The following WDR3 variants were observed in gnomAD, a reference collection of about 807,000 sequenced individuals.
WDR3 encodes WD repeat domain 3.
A neutral mutation model predicts 123.7 loss-of-function variants in WDR3; 81 were observed. The ratio of observed to expected loss-of-function variants is 0.65; its 90% confidence interval spans 0.55 to 0.79. WDR3 has a LOEUF of 0.79. WDR3 is among the 30% of genes least tolerant of loss of function. WDR3 has a pLI of 0.00. For synonymous variants in WDR3, 390 were observed against 388.8 expected, an observed-to-expected ratio of 1.00 and a Z score of -0.04; for missense variants, 1,027 against 1,123.2, an observed-to-expected ratio of 0.91 and a Z score of 1.22.
chr1:117,952,480 G>T (rs1651659710), intron 18 of WDR3, 48 bp from the exon 19 acceptor site: 2 of 1,599,272 alleles, frequency 1.3e-6, no homozygotes, highest in Non-Finnish European at 1.7e-6. Context: ...TACCCACTAA[G>T]TAGTGGTCAA....
rs538414388 is a variant in WDR3 at position 117,958,407 on chromosome 1, A to G, written c.2583-503A>G. Among the ~76,000 whole-genome samples, 191 of 152,324 alleles carry G rather than the reference A, an allele frequency of 1.3e-3. 2 individuals carry two copies. Among genetic ancestry groups the G allele is most frequent in the South Asian group, 0.011 (53 of 4,828 alleles). ...TAGGGTTGCTGGTTCTACGAGTAAC[A>G]CTGTGAATACTTATAGCGTATCAGA... On this transcript the variant is annotated intron_variant, in intron 25 of 26. Coordinates refer to ENST00000349139, the MANE Select transcript of WDR3 (RefSeq NM_006784.3).
rs1269819868 is a variant in WDR3 at position 117,937,781 on chromosome 1, CAGG to C, written c.501-696_501-694del. Among the ~76,000 whole-genome samples, 7 of 152,030 alleles carry C rather than the reference CAGG, an allele frequency of 4.6e-5. No homozygotes were observed. The East Asian group carries it at 1.4e-3, about 29-fold the overall frequency. On this transcript the variant is annotated intron_variant, in intron 4 of 26. Coordinates refer to ENST00000349139, the MANE Select transcript of WDR3 (RefSeq NM_006784.3). ...AGGAGGTAGGGAAGAGGTGTTTGAG[CAGG>C]AGTAGTAGAGGCCATTGGCTGCGAG...
intron 21 of WDR3, 66 bp from the exon 22 acceptor site, chr1:117,953,941 C>G: frequency 7.3e-7 from 1 of 1,366,864 alleles, no homozygotes; most frequent in Non-Finnish European, 1.0e-6. Flanking sequence ...TCAGTTCTTC[C>G]AGTTTCAGTG....
chr1:117,937,490 C>T (rs1249781030), intron 4 of WDR3, among the ~76,000 whole-genome samples: 1 of 152,110 alleles, frequency 6.6e-6, no homozygotes, highest in Non-Finnish European at 1.5e-5. Context: ...AAGCTGTGAG[C>T]ACTAAATGCT....
Position 117,950,154 on chromosome 1 carries a change from A to G in WDR3, c.1746+24A>G, listed in dbSNP as rs369582693. The G allele has an allele frequency of 9.4e-5, 152 of 1,610,988 alleles. 1 individual carries two copies. Among genetic ancestry groups the G allele is most frequent in the Admixed American group, 5.7e-4 (34 of 59,676 alleles). ...AGGTACAGTGGTTATGCCTGCGGAT[A>G]TTTTCCCTTTCTGACTGACTGACCT... On this transcript the variant is annotated intron_variant, in intron 15 of 26. Coordinates refer to ENST00000349139, the MANE Select transcript of WDR3 (RefSeq NM_006784.3).
rs1447170105 is a variant in WDR3, at chr1:117,959,906, A to C, written c.*459A>C. ...GATTGCCCTTTGGCCATAAAAATGCAGTGTCATGGATCTTAGAGCTAAAAA... is the reference window on the plus strand; with the variant it reads ...GATTGCCCTTTGGCCATAAAAATGCCGTGTCATGGATCTTAGAGCTAAAAA... On this transcript the variant is annotated 3_prime_UTR_variant, in exon 27 of 27. Transcript: ENST00000349139. 6.5e-6 allele frequency: 1 copy of C among 152,760 alleles called. No individual in the cohort carries two copies. Among genetic ancestry groups the C allele is most frequent in the African/African-American group, 2.4e-5 (1 of 41,456 alleles). The allele number at this position is 152,760 out of a possible 1,614,324, so 9.5% of individuals were successfully genotyped here. A position where few individuals can be genotyped will look rare whatever the true frequency, so the allele number is the denominator to read the frequency against.
chr1:117,929,904 G>A (rs1012846280), intron 1 of WDR3, 122 bp downstream of exon 1: 2 of 152,388 alleles, frequency 1.3e-5, no homozygotes, highest in African/African-American at 2.4e-5. Flanking sequence ...AAGGCCGGTT[G>A]CTAGGGCTGG....
intron 24 of WDR3, among the ~76,000 whole-genome samples, chr1:117,956,830 GA>G (rs1356118207): frequency 6.6e-6 from 1 of 152,064 alleles, no homozygotes; most frequent in African/African-American, 2.4e-5. Flanking sequence ...TATCTGGAAG[GA>G]AAAAAAGTTA....
At chr1:117,953,586 C>T (rs753764814) in intron 21 of WDR3, 45 bp downstream of exon 21, 1 of 1,586,166 alleles carries the variant, frequency 6.3e-7, no homozygotes. Context: ...AATAAGATCT[C>T]AACTTTTTAG....
chr1:117,938,550 C>G lies in WDR3; in HGVS notation c.571C>G (p.Arg191Gly), dbSNP rs200985071. The G allele has an allele frequency of 1.9e-6, 3 of 1,612,972 alleles. No homozygotes were observed. Among genetic ancestry groups the G allele is most frequent in the Non-Finnish European group, 2.5e-6 (3 of 1,179,198 alleles). The change falls in exon 5 of 27, where the codon CGG becomes GGG. Residue 191 changes from arginine (R) to glycine (G), a missense_variant. Arg to Gly is a moderately radical substitution (Grantham distance 125, BLOSUM62 -2). Transcript: ENST00000349139. ...QHCFKTMVGH[R>G]TEVWGLVLLS... ...CTGCTTTAAAACAATGGTTGGCCAC[C>G]GGACTGAGGTAAGTGTAGGGTCATG...
chr1:117,944,581 T>TA (rs745665932), intron 11 of WDR3, among the ~76,000 whole-genome samples: 1 of 152,236 alleles, frequency 6.6e-6, no homozygotes, highest in Non-Finnish European at 1.5e-5. Context: ...AAACCAAACT[T>TA]ACGTTGTTCA....
At chr1:117,938,346 C>T (rs1571011044) in intron 4 of WDR3, 134 bp from the exon 5 acceptor site, 1 of 626,960 alleles carries the variant, frequency 1.6e-6, no homozygotes, top group Non-Finnish European at 2.7e-6. Flanking sequence ...AAAGTAAGAT[C>T]AGAGAGAATC....
chr1:117,946,745 T>G (rs1651398916), intron 12 of WDR3, among the ~76,000 whole-genome samples: 1 of 151,820 alleles, frequency 6.6e-6, no homozygotes, highest in Non-Finnish European at 1.5e-5. Context: ...ATCGAGACCA[T>G]CCTGGCTAAC....
At chr1:117,944,238 T>C (rs1651286765) in intron 11 of WDR3, among the ~76,000 whole-genome samples, 1 of 152,204 alleles carries the variant, frequency 6.6e-6, no homozygotes, top group African/African-American at 2.4e-5. Context: ...CTTTATTTTA[T>C]GCTTTGTCCT....
At chr1:117,959,064 G>A in intron 26 of WDR3, 61 bp downstream of exon 26, 1 of 1,519,474 alleles carries the variant, frequency 6.6e-7, no homozygotes. Flanking sequence ...TTTAGAAATA[G>A]TATAGTATGC....
intron 13 of WDR3, among the ~76,000 whole-genome samples, chr1:117,949,248 C>T (rs1218384253): frequency 6.6e-6 from 1 of 151,760 alleles, no homozygotes; most frequent in South Asian, 2.1e-4. Flanking sequence ...AAGGTTGTTT[C>T]CTGTGTTATA....
intron 12 of WDR3, among the ~76,000 whole-genome samples, chr1:117,947,156 A>G (rs1204956880): frequency 6.6e-6 from 1 of 152,100 alleles, no homozygotes; most frequent in Non-Finnish European, 1.5e-5. Flanking sequence ...CCCATTTCAC[A>G]GAGATGAAGT....
At position 117,959,842 on chromosome 1, in the gene WDR3, T is replaced by G. The variant is rs1047192457; in HGVS notation, c.*395T>G. The G allele has an allele frequency of 1.9e-5, 3 of 154,770 alleles. No individual in the cohort carries two copies. Among genetic ancestry groups the G allele is most frequent in the African/African-American group, 7.2e-5 (3 of 41,482 alleles). The allele number at this position is 154,770 out of a possible 1,614,324, so 9.6% of individuals were successfully genotyped here. ...CAGATGATTTGTCATTTATTTATAT[T>G]AGGTTTTACTGCCTATTGAGACAAC... is the stretch of plus-strand genomic sequence containing the variant. On this transcript the variant is annotated 3_prime_UTR_variant, in exon 27 of 27. Transcript: ENST00000349139.
chr1:117,935,712 A>C (rs937846140), intron 3 of WDR3, among the ~76,000 whole-genome samples: 3 of 152,034 alleles, frequency 2.0e-5, no homozygotes, highest in Admixed American at 6.5e-5. Context: ...AGTAAACTAG[A>C]AAATATGTAA....
Sources: allele counts gnomAD v4.1 joint callset (sites outside exome capture counted in the v4.1 genomes callset), GRCh38; gene constraint gnomAD v4.1.1; transcripts MANE v1.5; gene names NCBI Gene and HGNC (gene_info 2026-07-23, HGNC 2026-07-21).